Variants in HERC3 observed in about 807,000 individuals in gnomAD.
HERC3 encodes the protein HECT and RLD domain containing E3 ubiquitin protein ligase 3.
In HERC3, 58 loss-of-function variants were observed where a neutral mutation model predicts 129.9. That is an observed-to-expected ratio of 0.45 (90% CI 0.36 to 0.56). The LOEUF (loss-of-function observed/expected upper bound fraction) is 0.56. HERC3 is among the 20% of genes least tolerant of loss of function. The pLI, the probability that HERC3 is intolerant of heterozygous loss-of-function variation, is 0.00. For missense variants in HERC3, 835 were observed against 1,244.2 expected, an observed-to-expected ratio of 0.67 and a Z score of 4.95; for synonymous variants, 430 against 451.0, an observed-to-expected ratio of 0.95 and a Z score of 0.59.
chr4:88,668,099 G>T lies in HERC3; in HGVS notation c.1633+18G>T, dbSNP rs201963617. On this transcript the variant is annotated intron_variant, in intron 14 of 25. Transcript: ENST00000402738. ...AGTACTAGGTGAATTTGCTAACCTC[G>T]ATATCAGTGGTTTTATGGTCATTTG... 3.8e-6 allele frequency: 6 copies of T among 1,594,138 alleles called. No homozygotes were observed. The Admixed American group carries it at 1.0e-4, about 27-fold the overall frequency.
At chr4:88,633,959 A>T (rs1266185773) in intron 3 of HERC3, among the ~76,000 whole-genome samples, 1 of 151,314 alleles carries the variant, frequency 6.6e-6, no homozygotes, top group Non-Finnish European at 1.5e-5. Context: ...CGGGGCCGAG[A>T]TGGCCGATTG....
chr4:88,650,558 C>G (rs1054252712), intron 4 of HERC3, among the ~76,000 whole-genome samples: 3 of 152,072 alleles, frequency 2.0e-5, no homozygotes, highest in African/African-American at 7.2e-5. Flanking sequence ...AGAGAACATC[C>G]CAAATATTGA....
intron 16 of HERC3, among the ~76,000 whole-genome samples, chr4:88,674,867 G>A (rs1731995140): frequency 6.6e-6 from 1 of 152,104 alleles, no homozygotes; most frequent in African/African-American, 2.4e-5. Context: ...ATCCCTGGAG[G>A]AACCTAGTTA....
intron 1 of HERC3, among the ~76,000 whole-genome samples, chr4:88,592,972 C>T (rs116499091): frequency 0.02 from 3,008 of 152,266 alleles, 93 homozygotes; most frequent in African/African-American, 0.068. Context: ...CCTATGCTCG[C>T]CCCCTGCCCC....
the HERC3 span, among the ~76,000 whole-genome samples, chr4:88,525,181 C>G: frequency 6.6e-6 from 1 of 152,176 alleles, no homozygotes; most frequent in Admixed American, 6.5e-5. Flanking sequence ...CACCTTCCTT[C>G]CCTCACAAAG....
intron 3 of HERC3, among the ~76,000 whole-genome samples, chr4:88,642,867 C>A (rs1305960445): frequency 6.7e-6 from 1 of 148,154 alleles, no homozygotes. Context: ...TATTCAACAT[C>A]ATGCTAGAAG....
intron 3 of HERC3, among the ~76,000 whole-genome samples, chr4:88,640,890 C>T (rs888805220): frequency 3.3e-5 from 5 of 152,050 alleles, no homozygotes; most frequent in African/African-American, 1.2e-4. Context: ...ACTTTTTACT[C>T]TTTTTTGTGA....
chr4:88,575,823 C>A, the HERC3 span, among the ~76,000 whole-genome samples: 3 of 152,160 alleles, frequency 2.0e-5, no homozygotes, highest in Non-Finnish European at 2.9e-5. Context: ...TACAGAACTG[C>A]CATCAAACCC....
chr4:88,572,980 T>C, the HERC3 span, among the ~76,000 whole-genome samples: 1 of 152,282 alleles, frequency 6.6e-6, no homozygotes, highest in African/African-American at 2.4e-5. Flanking sequence ...ATTTCTCCCT[T>C]GTGTGTCAGA....
At chr4:88,608,846 G>A (rs1723965722) in intron 3 of HERC3, among the ~76,000 whole-genome samples, 1 of 152,180 alleles carries the variant, frequency 6.6e-6, no homozygotes, top group African/African-American at 2.4e-5. Context: ...AATGATCTTT[G>A]AAGGACTTGT....
At position 88,680,240 on chromosome 4, in the gene HERC3, A is replaced by G; in HGVS notation, c.2340+4A>G. 1.3e-6 allele frequency: 2 copies of G among 1,595,372 alleles called. No individual in the cohort carries two copies. The highest frequency in any genetic ancestry group is 1.7e-6 in the Non-Finnish European group (2 of 1,172,156). On this transcript the variant is annotated splice_donor_region_variant and intron_variant, in intron 20 of 25. Transcript: ENST00000402738. The stretch of plus-strand genomic sequence containing the variant: ...TCTCTTGTGGTTTTCAGACACGGTA[A>G]GTAAGTGGTGTCACAATTAAACAGA...
chr4:88,644,071 C>T (rs930939973), intron 3 of HERC3, among the ~76,000 whole-genome samples: 2 of 151,952 alleles, frequency 1.3e-5, no homozygotes, highest in African/African-American at 2.4e-5. Flanking sequence ...AAATTAAAAC[C>T]GTAATGAAAT....
chr4:88,631,218 G>A (rs1379025547), intron 3 of HERC3, among the ~76,000 whole-genome samples: 1 of 152,140 alleles, frequency 6.6e-6, no homozygotes, highest in Non-Finnish European at 1.5e-5. Flanking sequence ...ACTTTGGGAG[G>A]CTGAGGCAGG....
intron 18 of HERC3, 67 bp downstream of exon 18, chr4:88,676,490 A>AT: frequency 8.9e-7 from 1 of 1,125,268 alleles, no homozygotes; most frequent in Non-Finnish European, 1.3e-6. Flanking sequence ...TTCAGTTGTA[A>AT]TTTTTTCTAG....
chr4:88,611,205 G>A (rs1430304053), intron 3 of HERC3, among the ~76,000 whole-genome samples: 1 of 152,236 alleles, frequency 6.6e-6, no homozygotes, highest in Non-Finnish European at 1.5e-5. Context: ...GATTATGTGG[G>A]TGGGTGCCTC....
intron 3 of HERC3, among the ~76,000 whole-genome samples, chr4:88,644,489 A>G (rs1292684097): frequency 6.6e-6 from 1 of 152,202 alleles, no homozygotes; most frequent in East Asian, 1.9e-4. Context: ...ATTATGAGTA[A>G]AACAATCCAG....
At chr4:88,560,590 T>C in the HERC3 span, among the ~76,000 whole-genome samples, 1 of 152,210 alleles carries the variant, frequency 6.6e-6, no homozygotes, top group Non-Finnish European at 1.5e-5. Context: ...TTTAGTTTGA[T>C]TTAGTCCCAT....
intron 23 of HERC3, among the ~76,000 whole-genome samples, chr4:88,692,450 C>G (rs930531622): frequency 3.9e-5 from 6 of 152,004 alleles, no homozygotes; most frequent in African/African-American, 1.2e-4. Flanking sequence ...CATCTAGATT[C>G]CGTAGTGAGA....
At chr4:88,569,993 AT>A in the HERC3 span, among the ~76,000 whole-genome samples, 1 of 152,188 alleles carries the variant, frequency 6.6e-6, no homozygotes, top group Non-Finnish European at 1.5e-5. Context: ...ACTTCCTCTT[AT>A]TTTTGTTTTT....
Sources: gnomAD v4.1 joint callset for allele counts (sites outside exome capture counted in the v4.1 genomes callset) on GRCh38, gnomAD v4.1.1 for gene constraint, MANE v1.5 for transcripts, NCBI Gene and HGNC (gene_info 2026-07-23, HGNC 2026-07-21) for gene names.